Variants in UNC79 observed in about 807,000 individuals in gnomAD.
UNC79 encodes the protein protein unc-79 homolog.
In UNC79, 37 loss-of-function variants were observed where a neutral mutation model predicts 283.1. The ratio of observed to expected loss-of-function variants is 0.13; its 90% confidence interval spans 0.10 to 0.17. The LOEUF (loss-of-function observed/expected upper bound fraction) is 0.17, where lower values mean the gene tolerates loss of function less well. Ranked by LOEUF, UNC79 falls within the 10% of genes least tolerant of loss-of-function variation. The probability of loss-of-function intolerance (pLI) is 1.00; values close to 1 mark genes in which losing one functional copy is unlikely to be tolerated. For missense variants in UNC79, 2,272 were observed against 3,211.1 expected (o/e 0.71, Z 7.07); for synonymous variants, 1,107 against 1,200.2 (o/e 0.92, Z 1.61).
Position 93,555,913 on chromosome 14 carries a change from A to T in UNC79, c.1755+13217A>T, listed in dbSNP as rs189148162. On this transcript the variant is annotated intron_variant, in intron 14 of 48. Coordinates refer to ENST00000555664, the Ensembl canonical transcript of UNC79. The stretch of plus-strand genomic sequence containing the variant: ...TAGGTGAGACAGCCAGGGAAAACAG[A>T]TACCCTTACATGTGGAGATTTCTTT... Among the ~76,000 whole-genome samples, 9 of 152,344 alleles carry T rather than the reference A, an allele frequency of 5.9e-5. No homozygotes were observed. The East Asian group carries it at 1.7e-3, about 29-fold the overall frequency.
intron 29 of UNC79, 135 bp downstream of exon 30, chr14:93,618,489 A>T: frequency 2.8e-6 from 3 of 1,053,078 alleles, no homozygotes; most frequent in Non-Finnish European, 3.8e-6. Context: ...TTAATTTTCC[A>T]ACTTTCCATG....
intron 1 of UNC79, among the ~76,000 whole-genome samples, chr14:93,337,798 T>C (rs1210150220): frequency 1.3e-5 from 2 of 152,190 alleles, no homozygotes; most frequent in African/African-American, 2.4e-5. Context: ...TGACATGCTG[T>C]AACACTCCCT....
intron 3 of UNC79, among the ~76,000 whole-genome samples, chr14:93,476,154 G>A (rs187239083): frequency 1.3e-5 from 2 of 152,072 alleles, no homozygotes; most frequent in African/African-American, 2.4e-5. Flanking sequence ...CCTTGTGGAC[G>A]CTTCTTTTGC....
intron 32 of UNC79, 180 bp downstream of exon 35, chr14:93,637,479 A>G: frequency 9.2e-7 from 1 of 1,089,486 alleles, no homozygotes; most frequent in Non-Finnish European, 1.3e-6. Context: ...CATGGCCAAC[A>G]GTTCTTCCTT....
chr14:93,361,510 CAAAAA>C (rs35635849), intron 1 of UNC79, among the ~76,000 whole-genome samples: 1 of 138,686 alleles, frequency 7.2e-6, no homozygotes, highest in East Asian at 2.3e-4. Context: ...GACACTATCT[CAAAAA>C]AAAAAAAAAA....
rs143993793 is a variant in UNC79 at position 93,572,922 on chromosome 14, C to T, written c.2070+106C>T. ...AGTTATAGCAAAGACTTCGTAAGTC[C>T]CCATGTTTGCCAAGAAAGTGTATCT... On this transcript the variant is annotated intron_variant, in intron 16 of 48. Coordinates refer to ENST00000555664, the Ensembl canonical transcript of UNC79. 2.4e-5 allele frequency: 34 copies of T among 1,423,814 alleles called. No homozygotes were observed. The South Asian group carries it at 3.9e-4, about 17-fold the overall frequency. 88.2% of individuals were successfully genotyped at this position (1,423,814 alleles called of 1,614,324 possible).
chr14:93,462,509 G>C lies in UNC79; in HGVS notation c.23-5162G>C, dbSNP rs530418398. Among the ~76,000 whole-genome samples the C allele has an allele frequency of 3.3e-5, 5 of 152,296 alleles. No homozygotes were observed. The East Asian group carries it at 9.7e-4, about 29-fold the overall frequency. ...AGCAGTTTATAATTTAAAAAGATCT[G>C]TTTGGCTGCTCTGAGGAGAAGGAGT... is the stretch of plus-strand genomic sequence containing the variant. On this transcript the variant is annotated intron_variant, in intron 1 of 48. Coordinates refer to ENST00000555664, the Ensembl canonical transcript of UNC79.
chr14:93,625,758 G>C (rs2067525022), intron 30 of UNC79, among the ~76,000 whole-genome samples: 1 of 152,052 alleles, frequency 6.6e-6, no homozygotes, highest in Non-Finnish European at 1.5e-5. Context: ...GCACCCTCTT[G>C]GGCCTTTCCC....
At chr14:93,649,467 G>C (rs755514015) in intron 35 of UNC79, among the ~76,000 whole-genome samples, 3 of 151,944 alleles carry the variant, frequency 2.0e-5, no homozygotes, top group Non-Finnish European at 4.4e-5. Context: ...TTTTTTGGAT[G>C]TATTTCAGAG....
chr14:93,606,433 G>A (rs1361237533), intron 26 of UNC79, among the ~76,000 whole-genome samples: 1 of 152,170 alleles, frequency 6.6e-6, no homozygotes, highest in Non-Finnish European at 1.5e-5. Flanking sequence ...CTACTGTAGG[G>A]TTCCATTTTT....
chr14:93,536,782 C>CCCCCTT (rs1567069571), intron 11 of UNC79, among the ~76,000 whole-genome samples: 1 of 82,434 alleles, frequency 1.2e-5, no homozygotes, highest in Non-Finnish European at 2.4e-5. Flanking sequence ...CCACCCCCGG[C>CCCCCTT]TTTTTTTTTT....
At chr14:93,578,466 A>G (rs2063593002) in intron 18 of UNC79, among the ~76,000 whole-genome samples, 1 of 152,234 alleles carries the variant, frequency 6.6e-6, no homozygotes, top group Non-Finnish European at 1.5e-5. Context: ...TGATGAGAAC[A>G]TTTCTTTTTA....
intron 30 of UNC79, among the ~76,000 whole-genome samples, chr14:93,628,643 G>T (rs1048746624): frequency 2.0e-5 from 3 of 152,168 alleles, no homozygotes; most frequent in Non-Finnish European, 4.4e-5. Context: ...TAGAGAGCTG[G>T]CAAATGTCTG....
chr14:93,385,924 A>G (rs1414375208), intron 1 of UNC79, among the ~76,000 whole-genome samples: 1 of 152,188 alleles, frequency 6.6e-6, no homozygotes, highest in Non-Finnish European at 1.5e-5. Context: ...GCAAACAAGG[A>G]TGATTTGACC....
intron 1 of UNC79, chr14:93,464,584 A>G (rs1004832243): frequency 8.8e-6 from 4 of 456,176 alleles, no homozygotes; most frequent in South Asian, 1.5e-5. Context: ...AATTCAGTCA[A>G]TAACAGATGG....
At chr14:93,642,080 T>C (rs1174994371) in intron 33 of UNC79, among the ~76,000 whole-genome samples, 1 of 152,110 alleles carries the variant, frequency 6.6e-6, no homozygotes, top group Non-Finnish European at 1.5e-5. Flanking sequence ...GTCTTGGGTA[T>C]GTCTTTATTA....
intron 22 of UNC79, among the ~76,000 whole-genome samples, chr14:93,590,960 A>G (rs1314682151): frequency 6.6e-6 from 1 of 152,178 alleles, no homozygotes; most frequent in Non-Finnish European, 1.5e-5. Context: ...TAGCAGCTTC[A>G]GGTTTCTGCA....
intron 26 of UNC79, among the ~76,000 whole-genome samples, chr14:93,610,773 G>C (rs1467036633): frequency 2.0e-5 from 3 of 152,048 alleles, no homozygotes; most frequent in South Asian, 2.1e-4. Context: ...ACCATGTCCA[G>C]CTAATTTTTG....
At chr14:93,341,604 CA>C (rs952789518) in intron 1 of UNC79, among the ~76,000 whole-genome samples, 4,532 of 62,740 alleles carry the variant, frequency 0.072, 192 homozygotes, top group African/African-American at 0.17. Context: ...TCTGTCTCTA[CA>C]AAAAAAAAAA....
Sources: allele counts gnomAD v4.1 joint callset (sites outside exome capture counted in the v4.1 genomes callset), GRCh38; gene constraint gnomAD v4.1.1; transcripts MANE v1.5; gene names NCBI Gene and HGNC (gene_info 2026-07-23, HGNC 2026-07-21).